The following CPA6 variants were observed in gnomAD, a reference collection of about 807,000 sequenced individuals.
CPA6 encodes the protein carboxypeptidase A6, also known as carboxypeptidase B.
Under a neutral mutation model 63.3 loss-of-function variants are expected in CPA6, and 58 were observed. The observed-to-expected ratio is 0.92, with a 90% CI of 0.74 to 1.14. The LOEUF is 1.14. CPA6 is among the 50% of genes most tolerant of loss of function. The pLI, the probability that CPA6 is intolerant of heterozygous loss-of-function variation, is 0.00. For missense variants in CPA6, 565 were observed against 526.6 expected (o/e 1.07, Z -0.71); for synonymous variants, 185 against 179.0 (o/e 1.03, Z -0.27).
chr8:67,427,185 T>G (rs956571751), intron 10 of CPA6, among the ~76,000 whole-genome samples: 1 of 152,194 alleles, frequency 6.6e-6, no homozygotes, highest in Non-Finnish European at 1.5e-5. Context: ...AGACTTGAAT[T>G]CAAGGCTGCA....
At chr8:67,557,296 A>G (rs1175200902) in intron 2 of CPA6, among the ~76,000 whole-genome samples, 4 of 152,178 alleles carry the variant, frequency 2.6e-5, no homozygotes, top group Non-Finnish European at 4.4e-5. Flanking sequence ...GTTATTCTCT[A>G]TTGAACATCT....
chr8:67,667,966 A>G (rs1816266497), intron 1 of CPA6, among the ~76,000 whole-genome samples: 1 of 152,222 alleles, frequency 6.6e-6, no homozygotes, highest in East Asian at 1.9e-4. Context: ...AGCCACGGCC[A>G]CACATCTATT....
At chr8:67,463,429 C>G (rs2358132) in intron 8 of CPA6, among the ~76,000 whole-genome samples, 44,983 of 151,694 alleles carry the variant, frequency 0.3, 11,119 homozygotes, top group African/African-American at 0.68. Flanking sequence ...GTGTGACAGA[C>G]TGAAACTCAC....
At chr8:67,495,076 A>G (rs988472439) in intron 6 of CPA6, among the ~76,000 whole-genome samples, 11 of 152,216 alleles carry the variant, frequency 7.2e-5, no homozygotes, top group African/African-American at 2.7e-4. Context: ...GGCCTAGTGC[A>G]TAGTAGTAAA....
At position 67,606,272 on chromosome 8, in the gene CPA6, G is replaced by C. The variant is rs148520416; in HGVS notation, c.192+17904C>G. On this transcript the variant is annotated intron_variant, in intron 2 of 10. Coordinates refer to ENST00000297770, the MANE Select transcript of CPA6 (RefSeq NM_020361.5). ...GGTGCAGCACATCAGCATGGCACATGTATACATATGTAACAAACCTGCACA... is the reference window on the plus strand; with the variant it reads ...GGTGCAGCACATCAGCATGGCACATCTATACATATGTAACAAACCTGCACA... 2.5e-3 allele frequency among the ~76,000 whole-genome samples: 384 copies of C among 151,782 alleles called. 1 individual carries two copies. The highest frequency in any genetic ancestry group is 8.5e-3 in the African/African-American group (351 of 41,386).
At chr8:67,632,744 G>A (rs1201381413) in intron 1 of CPA6, among the ~76,000 whole-genome samples, 2 of 152,152 alleles carry the variant, frequency 1.3e-5, no homozygotes, top group Admixed American at 6.5e-5. Context: ...ATGTATTTTG[G>A]GTGGGAAGAA....
chr8:67,604,345 C>T (rs926703854), intron 2 of CPA6, among the ~76,000 whole-genome samples: 8 of 152,134 alleles, frequency 5.3e-5, no homozygotes, highest in Non-Finnish European at 8.8e-5. Flanking sequence ...AAGAAGGAAG[C>T]GGTGGTTATT....
intron 1 of CPA6, among the ~76,000 whole-genome samples, chr8:67,717,877 T>G (rs546293818): frequency 5.1e-4 from 78 of 152,180 alleles, no homozygotes; most frequent in African/African-American, 1.7e-3. Context: ...TACCAGAAGG[T>G]GGAAGAGGCA....
At chr8:67,663,819 G>A (rs1444208998) in intron 1 of CPA6, among the ~76,000 whole-genome samples, 5 of 152,064 alleles carry the variant, frequency 3.3e-5, no homozygotes, top group African/African-American at 4.8e-5. Flanking sequence ...TTGTGAATAG[G>A]CAAGCACAAA....
At chr8:67,660,480 G>A (rs1448007925) in intron 1 of CPA6, among the ~76,000 whole-genome samples, 1 of 147,922 alleles carries the variant, frequency 6.8e-6, no homozygotes, top group African/African-American at 2.5e-5. Flanking sequence ...CAGGCACACG[G>A]CATCATGCCC....
intron 10 of CPA6, 91 bp from the exon 11 acceptor site, chr8:67,422,782 A>T: frequency 1.1e-6 from 1 of 920,502 alleles, no homozygotes; most frequent in Non-Finnish European, 1.6e-6. Flanking sequence ...TCCGCTTATT[A>T]AGCTTTACTA....
At position 67,707,069 on chromosome 8, in the gene CPA6, T is replaced by C. The variant is rs138551609; in HGVS notation, c.116+38945A>G. Among the ~76,000 whole-genome samples the C allele has an allele frequency of 2.0e-3, 302 of 152,352 alleles. 3 individuals are homozygous for C. Among genetic ancestry groups the C allele is most frequent in the South Asian group, 0.012 (56 of 4,830 alleles). On this transcript the variant is annotated intron_variant, in intron 1 of 10. Transcript: ENST00000297770. ...CAATTGTTCTTTGACTGTGGCTTGC[T>C]TAAGACTTTTTGTCATCCACAGACA...
At position 67,746,039 on chromosome 8, in the gene CPA6, G is replaced by A; in HGVS notation, c.91C>T (p.His31Tyr). 1 of 1,613,684 alleles carries A rather than the reference G, an allele frequency of 6.2e-7. No homozygotes were observed. Among genetic ancestry groups the A allele is most frequent in the Non-Finnish European group, 8.5e-7 (1 of 1,179,668 alleles). The part of the protein sequence containing the change: ...FLKILQPGHS[H>Y]LYNNRYAGDK... ...CCAGCATAGCGGTTGTTATAAAGGT[G>A]GCTGTGCCCCGGTTGCAGAATCTTC... Residue 31 changes from histidine to tyrosine, a missense_variant, in exon 1 of 11, where the codon CAC (histidine) becomes TAC (tyrosine). His to Tyr is a moderately conservative substitution (Grantham distance 83). Transcript: ENST00000297770.
chr8:67,592,825 CA>C (rs1243346160), intron 2 of CPA6, among the ~76,000 whole-genome samples: 3 of 152,042 alleles, frequency 2.0e-5, no homozygotes, highest in African/African-American at 7.2e-5. Flanking sequence ...TCGATCCTTT[CA>C]AAAAACCAGC....
At chr8:67,556,584 G>A (rs1238729828) in intron 2 of CPA6, among the ~76,000 whole-genome samples, 1 of 152,190 alleles carries the variant, frequency 6.6e-6, no homozygotes, top group African/African-American at 2.4e-5. Flanking sequence ...CCCTCACTCA[G>A]AAGTGGATGG....
chr8:67,551,950 G>A (rs956823518), intron 2 of CPA6, among the ~76,000 whole-genome samples: 4 of 152,200 alleles, frequency 2.6e-5, no homozygotes, highest in African/African-American at 9.7e-5. Flanking sequence ...GAAATGGGCA[G>A]TGAAGAATTC....
At chr8:67,524,983 C>T (rs1812333008) in intron 2 of CPA6, among the ~76,000 whole-genome samples, 1 of 152,120 alleles carries the variant, frequency 6.6e-6, no homozygotes, top group Non-Finnish European at 1.5e-5. Flanking sequence ...ATATTGTTTT[C>T]TGATGACTGT....
intron 2 of CPA6, among the ~76,000 whole-genome samples, chr8:67,537,057 G>C (rs1175829804): frequency 6.6e-6 from 1 of 152,172 alleles, no homozygotes; most frequent in Non-Finnish European, 1.5e-5. Flanking sequence ...ACTTGATCAT[G>C]GTGGACAAGC....
chr8:67,680,977 A>C (rs10089877), intron 1 of CPA6, among the ~76,000 whole-genome samples: 9,531 of 152,016 alleles, frequency 0.063, 475 homozygotes, highest in East Asian at 0.13. Context: ...GAGTTTCAAG[A>C]GTTCTTTATA....
Sources: gnomAD v4.1 joint callset for allele counts (sites outside exome capture counted in the v4.1 genomes callset) on GRCh38, gnomAD v4.1.1 for gene constraint, MANE v1.5 for transcripts, NCBI Gene and HGNC (gene_info 2026-07-23, HGNC 2026-07-21) for gene names.